The following TRIM42 variants were observed in gnomAD, a reference collection of about 807,000 sequenced individuals.
TRIM42 encodes tripartite motif containing 42, also known as tripartite motif-containing protein 42.
TRIM42 carries 59 observed loss-of-function variants against 64.9 expected under a neutral mutation model. The ratio of observed to expected loss-of-function variants is 0.91; its 90% CI spans 0.74 to 1.13. The LOEUF (loss-of-function observed/expected upper bound fraction) is 1.13, where lower values mean the gene tolerates loss of function less well. TRIM42 is among the 50% of genes most tolerant of loss of function. The pLI is 0.00. For synonymous variants in TRIM42, 354 were observed against 346.3 expected (o/e 1.02, Z -0.25); for missense variants, 878 against 929.5 (o/e 0.94, Z 0.72).
chr3:140,694,734 G>A (rs981260029), intron 4 of TRIM42, among the ~76,000 whole-genome samples: 2 of 152,130 alleles, frequency 1.3e-5, no homozygotes, highest in African/African-American at 2.4e-5. Context: ...CCTTCTGAAG[G>A]GCCTGAGGGA....
At chr3:140,699,790 T>C (rs1484187707) in intron 4 of TRIM42, among the ~76,000 whole-genome samples, 2 of 152,226 alleles carry the variant, frequency 1.3e-5, no homozygotes, top group East Asian at 1.9e-4. Flanking sequence ...CAATGGATAA[T>C]CTAATATCAT....
chr3:140,686,756 T>C (rs930581234), intron 2 of TRIM42, among the ~76,000 whole-genome samples: 1 of 152,224 alleles, frequency 6.6e-6, no homozygotes, highest in Non-Finnish European at 1.5e-5. Flanking sequence ...ACCTTACCCG[T>C]AGCATAGACC....
At chr3:140,692,642 T>C (rs1004928499) in intron 4 of TRIM42, among the ~76,000 whole-genome samples, 11 of 151,424 alleles carry the variant, frequency 7.3e-5, no homozygotes, top group African/African-American at 2.4e-4. Context: ...TGCTAGCCAC[T>C]CCTCCTGCCA....
rs189542172 is a variant in TRIM42, at chr3:140,681,261, C to G, written c.342-1201C>G. On this transcript the variant is annotated intron_variant, in intron 1 of 4. Transcript: ENST00000286349. ...CCACTATTTTCCTATACTATGATTT[C>G]TCTCTACTGCAGACATTAGCTGGCT... is the stretch of plus-strand genomic sequence containing the variant. Among the ~76,000 whole-genome samples, 3 of 152,334 alleles carry G rather than the reference C, an allele frequency of 2.0e-5. No homozygotes were observed. In the East Asian group the frequency reaches 5.8e-4, roughly 29 times the overall value.
At chr3:140,678,718 A>T (rs1392379326) in intron 1 of TRIM42, 148 bp downstream of exon 1, 2 of 657,546 alleles carry the variant, frequency 3.0e-6, no homozygotes, top group Non-Finnish European at 5.1e-6. Context: ...GTAGCAATTA[A>T]TTGTATCCTA....
chr3:140,685,156 C>A (rs189266995), intron 2 of TRIM42, among the ~76,000 whole-genome samples: 69 of 152,312 alleles, frequency 4.5e-4, no homozygotes, highest in African/African-American at 1.6e-3. Context: ...GCATTTGATT[C>A]ACTTTTCTGG....
chr3:140,691,001 T>C lies in TRIM42; in HGVS notation c.1894T>C (p.Ser632Pro), dbSNP rs1470878799. Residue 632 changes from serine (S) to proline (P), a missense_variant, in exon 4 of 5, where the codon TCT (serine) becomes CCT (proline). By Grantham distance (74) the Ser-to-Pro change is moderately conservative. Coordinates refer to ENST00000286349, the MANE Select transcript of TRIM42 (RefSeq NM_152616.5). Reference sequence around the variant, plus strand: ...GACATGTCCAGCAGAAGACGTGGACTCTTTTGAGATGGAATTCTATGAAGT... The same window carrying C: ...GACATGTCCAGCAGAAGACGTGGACCCTTTTGAGATGGAATTCTATGAAGT... ...YWTCPAEDVD[S>P]FEMEFYEVIT... The C allele has an allele frequency of 1.2e-6, 2 of 1,614,076 alleles. No individual in the cohort carries two copies. Among genetic ancestry groups the C allele is most frequent in the Non-Finnish European group, 1.7e-6 (2 of 1,179,974 alleles).
Position 140,682,911 on chromosome 3 carries a change from A to G in TRIM42, c.791A>G (p.Lys264Arg). The G allele has an allele frequency of 6.2e-7, 1 of 1,614,198 alleles. No individual in the cohort carries two copies. The highest frequency in any genetic ancestry group is 8.5e-7 in the Non-Finnish European group (1 of 1,180,026). Residue 264 changes from lysine (K) to arginine (R), a missense_variant, in exon 2 of 5, where the codon AAG (lysine) becomes AGG (arginine). Lys to Arg is a conservative substitution (Grantham distance 26). Coordinates refer to ENST00000286349, the MANE Select transcript of TRIM42 (RefSeq NM_152616.5). Reference protein sequence around the residue: ...CRLNLCNDCLKAFHSDVAMQD... With the variant: ...CRLNLCNDCLRAFHSDVAMQD... ...CTCAACCTGTGCAACGACTGCCTCA[A>G]GGCCTTCCACTCGGATGTGGCCATG...
At position 140,678,265 on chromosome 3, in the gene TRIM42, T is replaced by C. The variant is rs1988256742; in HGVS notation, c.36T>C (p.Cys12=). 6.2e-7 allele frequency: 1 copy of C among 1,614,174 alleles called. No individual in the cohort carries two copies. Among genetic ancestry groups the C allele is most frequent in the Non-Finnish European group, 8.5e-7 (1 of 1,180,018 alleles). The part of the protein sequence containing the change: ...ETAMCVCCPC[C]TWQRCCPQLC... ...CTATGTGCGTTTGCTGTCCATGTTG[T>C]ACATGGCAGAGATGTTGTCCTCAGT... Residue 12 remains cysteine, a synonymous_variant, in exon 1 of 5, where the codon TGT becomes TGC. Transcript: ENST00000286349.
intron 3 of TRIM42, 123 bp downstream of exon 3, chr3:140,688,665 C>T (rs1016693828): frequency 3.5e-5 from 25 of 718,226 alleles, no homozygotes; most frequent in Non-Finnish European, 5.0e-5. Context: ...CATATCTGCT[C>T]CTCTAGACTC....
At chr3:140,693,414 T>C (rs149978275) in intron 4 of TRIM42, among the ~76,000 whole-genome samples, 6 of 152,352 alleles carry the variant, frequency 3.9e-5, no homozygotes, top group African/African-American at 7.2e-5. Context: ...AGCTGCAATA[T>C]AGATTTTTCC....
At chr3:140,696,274 T>C (rs1225166091) in intron 4 of TRIM42, among the ~76,000 whole-genome samples, 1 of 152,248 alleles carries the variant, frequency 6.6e-6, no homozygotes, top group Non-Finnish European at 1.5e-5. Flanking sequence ...ACAATTAGCA[T>C]TGTGTTACAT....
intron 4 of TRIM42, among the ~76,000 whole-genome samples, chr3:140,696,620 G>C (rs1988858961): frequency 6.6e-6 from 1 of 152,212 alleles, no homozygotes; most frequent in Admixed American, 6.5e-5. Context: ...TCTTGAGGCT[G>C]GAAGTCTGCA....
chr3:140,684,997 C>T (rs1407173567), intron 2 of TRIM42, among the ~76,000 whole-genome samples: 4 of 152,126 alleles, frequency 2.6e-5, no homozygotes, highest in Non-Finnish European at 5.9e-5. Context: ...AATGCCTGTC[C>T]AAATTCCAGG....
chr3:140,678,072 C>A lies in TRIM42; in HGVS notation c.-158C>A. ...CCTATGAGCTTCCTGGTAGGGACACCAGCTGTGAAGTCCTCATAACAGCCA... is the reference window on the plus strand; with the variant it reads ...CCTATGAGCTTCCTGGTAGGGACACAAGCTGTGAAGTCCTCATAACAGCCA... On this transcript the variant is annotated 5_prime_UTR_variant, in exon 1 of 5. Coordinates refer to ENST00000286349, the MANE Select transcript of TRIM42 (RefSeq NM_152616.5). The A allele has an allele frequency of 1.5e-6, 1 of 657,952 alleles. No homozygotes were observed. The highest frequency in any genetic ancestry group is 2.7e-6 in the Non-Finnish European group (1 of 368,224). 40.8% of individuals were successfully genotyped at this position (657,952 alleles called of 1,614,324 possible). A position where few individuals can be genotyped will look rare whatever the true frequency, so the allele number is the denominator to read the frequency against.
At chr3:140,699,537 T>G (rs1306019709) in intron 4 of TRIM42, among the ~76,000 whole-genome samples, 1 of 152,152 alleles carries the variant, frequency 6.6e-6, no homozygotes. Context: ...TGATTCCCTT[T>G]TTTCATAGAC....
intron 4 of TRIM42, among the ~76,000 whole-genome samples, chr3:140,694,496 G>A (rs1240041543): frequency 3.3e-5 from 5 of 152,128 alleles, no homozygotes; most frequent in African/African-American, 1.2e-4. Context: ...ACCCATTTCT[G>A]AAAACAGTCT....
In TRIM42 at chr3:140,682,450, T is replaced by C; in HGVS notation, c.342-12T>C. 6.2e-7 allele frequency: 1 copy of C among 1,605,098 alleles called. No individual in the cohort carries two copies. Among genetic ancestry groups the C allele is most frequent in the South Asian group, 1.1e-5 (1 of 90,248 alleles). ...CTGCCTCCTGAAACCCTGCCTTTGC[T>C]TCTCCTTTCAGCTCCAAGACTGCCC... On this transcript the variant is annotated splice_polypyrimidine_tract_variant and intron_variant, in intron 1 of 4. Coordinates refer to ENST00000286349, the MANE Select transcript of TRIM42 (RefSeq NM_152616.5).
Position 140,700,880 on chromosome 3 carries a change from G to C in TRIM42, c.2086-8G>C. The C allele has an allele frequency of 6.2e-7, 1 of 1,613,882 alleles. No homozygotes were observed. The highest frequency in any genetic ancestry group is 8.5e-7 in the Non-Finnish European group (1 of 1,179,828). Reference sequence around the variant, plus strand: ...TTGGGTGTCATGACTCTTCGCTTCTGATTGCAGGTGGTAACACCAGATGGA... The same window carrying C: ...TTGGGTGTCATGACTCTTCGCTTCTCATTGCAGGTGGTAACACCAGATGGA... On this transcript the variant is annotated splice_polypyrimidine_tract_variant and splice_region_variant and intron_variant, in intron 4 of 4. Transcript: ENST00000286349.
Sources: allele counts gnomAD v4.1 joint callset (sites outside exome capture counted in the v4.1 genomes callset), GRCh38; gene constraint gnomAD v4.1.1; transcripts MANE v1.5; gene names NCBI Gene and HGNC (gene_info 2026-07-23, HGNC 2026-07-21).